The following CCSER1 variants were observed in gnomAD, a reference collection of about 807,000 sequenced individuals.
CCSER1 encodes serine-rich coiled-coil domain-containing protein 1.
CCSER1 carries 41 observed loss-of-function variants against 82.0 expected under a neutral mutation model. The ratio of observed to expected loss-of-function variants is 0.50; its 90% CI spans 0.39 to 0.65. The LOEUF (loss-of-function observed/expected upper bound fraction) is 0.65. Among genes scored for constraint, CCSER1 ranks in the 30% least tolerant of loss-of-function variants. The pLI is 0.00. For missense variants in CCSER1, 1,119 were observed against 1,064.2 expected (o/e 1.05, Z -0.72); for synonymous variants, 414 against 383.9 (o/e 1.08, Z -0.92).
intron 9 of CCSER1, among the ~76,000 whole-genome samples, chr4:91,083,184 G>A (rs1016056478): frequency 5.3e-5 from 8 of 152,132 alleles, no homozygotes; most frequent in African/African-American, 1.7e-4. Flanking sequence ...ATGATAGACT[G>A]GATTAAGAAA....
rs116013055 is a variant in CCSER1 at position 90,162,919 on chromosome 4, A to G, written c.-42+35088A>G. ...TTTTAGGTCACTAGACAACCACCTA[A>G]TTGAATAGTATAAAACAATTTGTGT... On this transcript the variant is annotated intron_variant, in intron 1 of 10. Transcript: ENST00000509176. Among the ~76,000 whole-genome samples the G allele has an allele frequency of 1.5e-3, 229 of 152,282 alleles. 2 individuals carry two copies. The highest frequency in any genetic ancestry group is 5.3e-3 in the African/African-American group (221 of 41,568).
At chr4:91,167,605 A>AT (rs1167422728) in intron 10 of CCSER1, among the ~76,000 whole-genome samples, 1 of 152,200 alleles carries the variant, frequency 6.6e-6, no homozygotes, top group Non-Finnish European at 1.5e-5. Context: ...TTACACATGC[A>AT]TTTTTTTGGA....
chr4:91,425,069 A>G (rs1753893924), intron 10 of CCSER1, among the ~76,000 whole-genome samples: 2 of 151,886 alleles, frequency 1.3e-5, no homozygotes, highest in Admixed American at 1.3e-4. Flanking sequence ...GGTGTAAGCA[A>G]TGTATGGTTT....
intron 3 of CCSER1, among the ~76,000 whole-genome samples, chr4:90,345,093 G>T (rs964290543): frequency 2.0e-5 from 3 of 152,022 alleles, no homozygotes; most frequent in African/African-American, 7.2e-5. Flanking sequence ...ACTATCAACT[G>T]TTTTATTGTC....
At chr4:91,518,698 C>T (rs899562794) in intron 10 of CCSER1, among the ~76,000 whole-genome samples, 3 of 152,132 alleles carry the variant, frequency 2.0e-5, no homozygotes, top group Non-Finnish European at 2.9e-5. Context: ...AGGTGAAGAC[C>T]TCAGACTCTT....
At chr4:90,569,443 G>A (rs1466716769) in intron 5 of CCSER1, among the ~76,000 whole-genome samples, 1 of 152,178 alleles carries the variant, frequency 6.6e-6, no homozygotes. Flanking sequence ...ATCAAAAAGA[G>A]AGGAAGCTCG....
intron 9 of CCSER1, among the ~76,000 whole-genome samples, chr4:91,071,013 A>T (rs1416181142): frequency 6.6e-6 from 1 of 152,218 alleles, no homozygotes; most frequent in South Asian, 2.1e-4. Flanking sequence ...ATAAATTAAT[A>T]TGATCTCCAA....
chr4:91,518,233 C>T (rs1232433197), intron 10 of CCSER1, among the ~76,000 whole-genome samples: 4 of 152,146 alleles, frequency 2.6e-5, no homozygotes, highest in Non-Finnish European at 5.9e-5. Flanking sequence ...TCACTTGTCT[C>T]TTGGGGCTCT....
intron 5 of CCSER1, among the ~76,000 whole-genome samples, chr4:90,593,142 T>C (rs746123716): frequency 1.3e-5 from 2 of 152,186 alleles, no homozygotes; most frequent in Non-Finnish European, 2.9e-5. Context: ...TTACTTTGGA[T>C]TTATTCATTT....
intron 5 of CCSER1, among the ~76,000 whole-genome samples, chr4:90,480,764 T>G (rs924300155): frequency 4.6e-4 from 70 of 152,336 alleles, no homozygotes; most frequent in African/African-American, 1.5e-3. Context: ...AGTACCATGC[T>G]GTTTTGGTTA....
chr4:91,429,280 A>G (rs1354116117), intron 10 of CCSER1, among the ~76,000 whole-genome samples: 3 of 151,908 alleles, frequency 2.0e-5, no homozygotes, highest in Non-Finnish European at 4.4e-5. Flanking sequence ...TTTGATATCT[A>G]TATCTATTTC....
intron 10 of CCSER1, among the ~76,000 whole-genome samples, chr4:91,404,539 T>C (rs574022351): frequency 2.0e-5 from 3 of 152,330 alleles, no homozygotes; most frequent in African/African-American, 2.4e-5. Context: ...TTAAGTGCTA[T>C]AAATTTCCCT....
At chr4:90,651,197 G>C (rs192563834) in intron 6 of CCSER1, among the ~76,000 whole-genome samples, 1 of 152,032 alleles carries the variant, frequency 6.6e-6, no homozygotes, top group Admixed American at 6.5e-5. Flanking sequence ...GGAAAATAAA[G>C]CCAAATTCAT....
chr4:90,446,808 A>C (rs1760722271), intron 4 of CCSER1, among the ~76,000 whole-genome samples: 1 of 152,096 alleles, frequency 6.6e-6, no homozygotes, highest in Admixed American at 6.5e-5. Flanking sequence ...TGAGACAGCA[A>C]TACCGGCCTC....
chr4:90,900,838 T>C (rs955309025), intron 8 of CCSER1, among the ~76,000 whole-genome samples: 1 of 151,830 alleles, frequency 6.6e-6, no homozygotes, highest in Non-Finnish European at 1.5e-5. Context: ...AAGTTCAGAG[T>C]TTCTTTGTTA....
chr4:90,404,896 A>G (rs1753483817), intron 4 of CCSER1, among the ~76,000 whole-genome samples: 1 of 152,220 alleles, frequency 6.6e-6, no homozygotes, highest in African/African-American at 2.4e-5. Context: ...CCTCTGACAC[A>G]GTCTACTCAA....
Position 90,660,010 on chromosome 4 carries a change from T to TA in CCSER1, c.1932+31790dup, listed in dbSNP as rs796092663. 7.6e-3 allele frequency among the ~76,000 whole-genome samples: 1,055 copies of TA among 138,756 alleles called. 5 individuals carry two copies. Among genetic ancestry groups the TA allele is most frequent in the African/African-American group, 0.01 (398 of 38,106 alleles). 91.0% of individuals were successfully genotyped at this position (138,756 alleles called of 152,430 possible). On this transcript the variant is annotated intron_variant, in intron 6 of 10. Transcript: ENST00000509176. Reference sequence around the variant, plus strand: ...CTTTGAGTTCCTTAGTCTTCAAAAGTAAAAAAAAAAAACCTTAAATAGATG... The same window carrying TA: ...CTTTGAGTTCCTTAGTCTTCAAAAGTAAAAAAAAAAAAACCTTAAATAGATG...
At chr4:91,054,528 CCTTG>C (rs1200138244) in intron 9 of CCSER1, among the ~76,000 whole-genome samples, 1 of 151,488 alleles carries the variant, frequency 6.6e-6, no homozygotes, top group Non-Finnish European at 1.5e-5. Context: ...ATATAGTCAC[CCTTG>C]CTCTCTTTTG....
At chr4:90,245,753 G>A (rs1037304654) in intron 1 of CCSER1, among the ~76,000 whole-genome samples, 4 of 152,062 alleles carry the variant, frequency 2.6e-5, no homozygotes, top group African/African-American at 9.7e-5. Flanking sequence ...TTCACCTTCT[G>A]GTGTTTGTGA....
Sources: gnomAD v4.1 joint callset for allele counts (sites outside exome capture counted in the v4.1 genomes callset) on GRCh38, gnomAD v4.1.1 for gene constraint, MANE v1.5 for transcripts, NCBI Gene and HGNC (gene_info 2026-07-23, HGNC 2026-07-21) for gene names.